Variants in KCNQ3 observed in about 807,000 individuals in gnomAD.
KCNQ3 encodes potassium voltage-gated channel subfamily KQT member 3.
Under a neutral mutation model 92.5 loss-of-function variants are expected in KCNQ3, and 30 were observed. The ratio of observed to expected loss-of-function variants is 0.32; its 90% confidence interval spans 0.24 to 0.44. The LOEUF is 0.44. Among genes scored for constraint, KCNQ3 ranks in the 20% least tolerant of loss-of-function variants. KCNQ3 has a pLI of 1.00. For synonymous variants in KCNQ3, 450 were observed against 468.8 expected, an observed-to-expected ratio of 0.96 and a Z score of 0.52; for missense variants, 913 against 1,140.3, an observed-to-expected ratio of 0.80 and a Z score of 2.87.
intron 1 of KCNQ3, among the ~76,000 whole-genome samples, chr8:132,373,819 CT>C (rs1180012775): frequency 1.3e-5 from 2 of 152,166 alleles, no homozygotes; most frequent in Non-Finnish European, 2.9e-5. Flanking sequence ...CCCTGCCCAG[CT>C]CCCCAGGTTG....
At position 132,308,588 on chromosome 8, in the gene KCNQ3, G is replaced by A. The variant is rs540055553; in HGVS notation, c.387-122407C>T. Among the ~76,000 whole-genome samples, 46 of 152,306 alleles carry A rather than the reference G, an allele frequency of 3.0e-4. 1 individual carries two copies. The South Asian group carries it at 8.3e-3, about 27-fold the overall frequency. On this transcript the variant is annotated intron_variant, in intron 1 of 14. Transcript: ENST00000388996. The stretch of plus-strand genomic sequence containing the variant: ...GCACACGTAAGGGAAATCAGACACT[G>A]TGATTCAATGGCTGCATGCGTTTGT...
At chr8:132,400,485 C>T (rs1375467204) in intron 1 of KCNQ3, among the ~76,000 whole-genome samples, 2 of 152,218 alleles carry the variant, frequency 1.3e-5, no homozygotes, top group African/African-American at 4.8e-5. Flanking sequence ...TGGGATGAGG[C>T]TTGTCTATGG....
In KCNQ3 at chr8:132,186,599, T is replaced by TTAGAATG. The variant is rs1329186598; in HGVS notation, c.387-425_387-419dup. On this transcript the variant is annotated intron_variant, in intron 1 of 14. Coordinates refer to ENST00000388996, the MANE Select transcript of KCNQ3 (RefSeq NM_004519.4). ...TTTAAAAATATATGAAAATGTTTTC[T>TTAGAATG]TAGAATGAAGAAAACACAAATTTAT... The TTAGAATG allele has an allele frequency of 2.2e-5, 7 of 316,620 alleles. No individual in the cohort carries two copies. In the East Asian group the frequency reaches 5.9e-4, roughly 27 times the overall value. 19.6% of individuals were successfully genotyped at this position (316,620 alleles called of 1,614,324 possible). A position where few individuals can be genotyped will look rare whatever the true frequency, so the allele number is the denominator to read the frequency against.
At chr8:132,448,507 A>AAAAAAAAAAAG in intron 1 of KCNQ3, among the ~76,000 whole-genome samples, 1 of 150,718 alleles carries the variant, frequency 6.6e-6, no homozygotes, top group African/African-American at 2.4e-5. Context: ...AATATGAAAA[A>AAAAAAAAAAAG]AAAAAAAAAA....
At chr8:132,221,288 G>C (rs1046901058) in intron 1 of KCNQ3, among the ~76,000 whole-genome samples, 4 of 152,186 alleles carry the variant, frequency 2.6e-5, no homozygotes, top group Admixed American at 1.3e-4. Context: ...ATGTGCATGT[G>C]TCTTTATAGT....
intron 1 of KCNQ3, among the ~76,000 whole-genome samples, chr8:132,359,407 T>C (rs1586955201): frequency 6.6e-6 from 1 of 152,318 alleles, no homozygotes; most frequent in East Asian, 1.9e-4. Context: ...CCTGAAGCCC[T>C]ACCAGGGTGC....
rs575693328 is a variant in KCNQ3, at chr8:132,426,617, T to C, written c.386+53530A>G. On this transcript the variant is annotated intron_variant, in intron 1 of 14. Coordinates refer to ENST00000388996, the MANE Select transcript of KCNQ3 (RefSeq NM_004519.4). ...AATCCCATATCCCATAACTGTAGGG[T>C]GAAATCCTTCCCTCACCAATGGAAT... Among the ~76,000 whole-genome samples, 11 of 152,312 alleles carry C rather than the reference T, an allele frequency of 7.2e-5. No homozygotes were observed. In the South Asian group the frequency reaches 2.1e-3, roughly 29 times the overall value.
At chr8:132,253,658 C>T (rs1815488181) in intron 1 of KCNQ3, among the ~76,000 whole-genome samples, 1 of 152,170 alleles carries the variant, frequency 6.6e-6, no homozygotes, top group Admixed American at 6.5e-5. Flanking sequence ...TTCTCTTCCC[C>T]TCTCCTCTCC....
In KCNQ3 at chr8:132,204,690, T is replaced by G. The variant is rs577350736; in HGVS notation, c.387-18509A>C. Among the ~76,000 whole-genome samples, 9 of 152,346 alleles carry G rather than the reference T, an allele frequency of 5.9e-5. No individual in the cohort carries two copies. The South Asian group carries it at 1.9e-3, about 32-fold the overall frequency. On this transcript the variant is annotated intron_variant, in intron 1 of 14. Coordinates refer to ENST00000388996, the MANE Select transcript of KCNQ3 (RefSeq NM_004519.4). ...GGAGTCAGGTAGATCTAGGTTTAAC[T>G]TCTGAATCACATTTCTAACCATGTG...
At chr8:132,335,269 G>A (rs546439637) in intron 1 of KCNQ3, among the ~76,000 whole-genome samples, 36 of 152,246 alleles carry the variant, frequency 2.4e-4, no homozygotes, top group Admixed American at 7.8e-4. Flanking sequence ...TCAATCTCTT[G>A]TCATCATGAT....
rs557892251 is a variant in KCNQ3, at chr8:132,147,585, A to G, written c.1263-6254T>C. Among the ~76,000 whole-genome samples, 8 of 152,278 alleles carry G rather than the reference A, an allele frequency of 5.3e-5. No homozygotes were observed. In the East Asian group the frequency reaches 1.5e-3, roughly 29 times the overall value. On this transcript the variant is annotated intron_variant, in intron 9 of 14. Transcript: ENST00000388996. Reference sequence around the variant, plus strand: ...GGTAGATGAATGGATGGATAAGTGAATGGATGATAGAGAGATGAATGGATG... The same window carrying G: ...GGTAGATGAATGGATGGATAAGTGAGTGGATGATAGAGAGATGAATGGATG...
chr8:132,180,406 G>T, intron 3 of KCNQ3, 77 bp from the exon 4 acceptor site: 2 of 1,522,576 alleles, frequency 1.3e-6, no homozygotes, highest in Non-Finnish European at 1.8e-6. Context: ...CATCATAGGT[G>T]CTGTTTGCTG....
chr8:132,220,702 T>C (rs956140310), intron 1 of KCNQ3, among the ~76,000 whole-genome samples: 4 of 152,254 alleles, frequency 2.6e-5, no homozygotes, highest in African/African-American at 7.2e-5. Context: ...TGAGTCAAGA[T>C]GGCATGACTG....
rs1824676733 is a variant in KCNQ3, at chr8:132,126,602, A to G, written c.*2660T>C. 1 of 151,996 alleles carries G rather than the reference A, an allele frequency of 6.6e-6. No individual in the cohort carries two copies. The highest frequency in any genetic ancestry group is 6.6e-5 in the Admixed American group (1 of 15,250). The allele number at this position is 151,996 out of a possible 1,614,324, so 9.4% of individuals were successfully genotyped here. On this transcript the variant is annotated 3_prime_UTR_variant, in exon 15 of 15. Transcript: ENST00000388996. The stretch of plus-strand genomic sequence containing the variant: ...CATTCATAAAACATGTATTTTGTCT[A>G]TGTCTATACTGATAAAGACAACTTA...
chr8:132,184,153 C>T, intron 3 of KCNQ3, 88 bp downstream of exon 3: 1 of 1,559,300 alleles, frequency 6.4e-7, no homozygotes, highest in South Asian at 1.1e-5. Context: ...CGTGATTTCC[C>T]AGAATAGCTG....
intron 1 of KCNQ3, among the ~76,000 whole-genome samples, chr8:132,195,966 C>T (rs753630260): frequency 3.3e-5 from 5 of 152,176 alleles, no homozygotes; most frequent in Non-Finnish European, 7.3e-5. Context: ...ATTAAGAAGA[C>T]ATTATAATTA....
chr8:132,394,876 T>G (rs1253120378), intron 1 of KCNQ3, among the ~76,000 whole-genome samples: 2 of 152,190 alleles, frequency 1.3e-5, no homozygotes, highest in Non-Finnish European at 2.9e-5. Flanking sequence ...CCTGAGAAGA[T>G]GAACTGTGCT....
At chr8:132,203,322 C>T (rs1827518612) in intron 1 of KCNQ3, among the ~76,000 whole-genome samples, 1 of 152,156 alleles carries the variant, frequency 6.6e-6, no homozygotes, top group Admixed American at 6.5e-5. Flanking sequence ...AGGCAAACTT[C>T]CCTATGACCT....
intron 1 of KCNQ3, among the ~76,000 whole-genome samples, chr8:132,227,282 G>T (rs754929667): frequency 2.0e-5 from 3 of 151,862 alleles, no homozygotes; most frequent in Non-Finnish European, 4.4e-5. Flanking sequence ...GGATGGTCTC[G>T]ATCTCCTGAT....
Sources: gnomAD v4.1 joint callset for allele counts (sites outside exome capture counted in the v4.1 genomes callset) on GRCh38, gnomAD v4.1.1 for gene constraint, MANE v1.5 for transcripts, NCBI Gene and HGNC (gene_info 2026-07-23, HGNC 2026-07-21) for gene names.